EMC2: variants seen among roughly 807,000 people sequenced by gnomAD.
The protein encoded by EMC2 is TPR repeat protein 35.
Under a neutral mutation model 51.6 loss-of-function variants are expected in EMC2, and 37 were observed. The ratio of observed to expected loss-of-function variants is 0.72; its 90% confidence interval spans 0.55 to 0.94. The LOEUF (loss-of-function observed/expected upper bound fraction) is 0.94. Ranked by LOEUF, EMC2 falls within the 40% of genes least tolerant of loss-of-function variation. The pLI is 0.00. For missense variants in EMC2, 359 were observed against 350.9 expected (o/e 1.02, Z -0.18); for synonymous variants, 131 against 112.4 (o/e 1.17, Z -1.04).
At chr8:108,476,354 C>T (rs1447549099) in intron 8 of EMC2, among the ~76,000 whole-genome samples, 4 of 151,760 alleles carry the variant, frequency 2.6e-5, no homozygotes, top group African/African-American at 9.7e-5. Flanking sequence ...TTAAGAATAG[C>T]AGTACAACTG....
At chr8:108,469,733 C>A in intron 5 of EMC2, 93 bp from the exon 6 acceptor site, 1 of 1,003,022 alleles carries the variant, frequency 1.0e-6, no homozygotes, top group Non-Finnish European at 1.5e-6. Context: ...ATTTCTCTGG[C>A]ATTGAGATAA....
intron 7 of EMC2, among the ~76,000 whole-genome samples, chr8:108,472,509 CT>C (rs1759888804): frequency 6.7e-6 from 1 of 150,358 alleles, no homozygotes; most frequent in Non-Finnish European, 1.5e-5. Flanking sequence ...TCTTTTTGGT[CT>C]TAAAGCTAGT....
intron 5 of EMC2, among the ~76,000 whole-genome samples, chr8:108,460,788 C>G (rs112681823): frequency 1.1e-4 from 17 of 152,294 alleles, no homozygotes; most frequent in African/African-American, 4.1e-4. Context: ...AATCCCTTAG[C>G]GGTTAGGTAA....
chr8:108,475,823 T>C, intron 7 of EMC2, 59 bp from the exon 8 acceptor site: 2 of 923,022 alleles, frequency 2.2e-6, no homozygotes, highest in Non-Finnish European at 3.5e-6. Flanking sequence ...TTTCAAGGTT[T>C]AACTAAGATA....
At chr8:108,443,967 C>A (rs1454778063) in intron 1 of EMC2, among the ~76,000 whole-genome samples, 2 of 152,028 alleles carry the variant, frequency 1.3e-5, no homozygotes, top group African/African-American at 4.8e-5. Context: ...ATTTATGAGG[C>A]GGGCGGGAGG....
Position 108,464,352 on chromosome 8 carries a change from C to T in EMC2, c.364-5474C>T, listed in dbSNP as rs375064187. The stretch of plus-strand genomic sequence containing the variant: ...AAGGCATCGGAGGGGCTTTGACACA[C>T]TCTGGCCAACTCTGGCCATACGCCA... On this transcript the variant is annotated intron_variant, in intron 5 of 10. Transcript: ENST00000220853. Among the ~76,000 whole-genome samples the T allele has an allele frequency of 2.6e-4, 39 of 152,334 alleles. 1 individual carries two copies. In the South Asian group the frequency reaches 5.0e-3, roughly 19 times the overall value.
intron 9 of EMC2, 41 bp downstream of exon 9, chr8:108,476,933 G>C: frequency 1.0e-6 from 1 of 984,798 alleles, no homozygotes; most frequent in Non-Finnish European, 1.6e-6. Flanking sequence ...TTAAAAATCT[G>C]TCACTTAAAA....
chr8:108,447,205 C>A (rs1240671619), intron 1 of EMC2, among the ~76,000 whole-genome samples: 1 of 150,520 alleles, frequency 6.6e-6, no homozygotes. Flanking sequence ...TCATTCTCCC[C>A]CACTGCCCCC....
rs547595424 is a variant in EMC2 at position 108,488,679 on chromosome 8, A to G, written c.*2081A>G. ...AGGATCCCTCTTCCTCAAAGAGATT[A>G]GGACCTTACCCCAACTCCAGAGGTT... is the stretch of plus-strand genomic sequence containing the variant. On this transcript the variant is annotated 3_prime_UTR_variant, in exon 11 of 11. Coordinates refer to ENST00000220853, the MANE Select transcript of EMC2 (RefSeq NM_014673.5). 6.6e-6 allele frequency among the ~76,000 whole-genome samples: 1 copy of G among 152,162 alleles called. No individual in the cohort carries two copies. Among genetic ancestry groups the G allele is most frequent in the Non-Finnish European group, 1.5e-5 (1 of 68,036 alleles).
At chr8:108,477,332 T>A (rs1414188335) in intron 9 of EMC2, among the ~76,000 whole-genome samples, 1 of 151,810 alleles carries the variant, frequency 6.6e-6, no homozygotes, top group Non-Finnish European at 1.5e-5. Flanking sequence ...AGAAAAACAG[T>A]TTGGAAATTG....
chr8:108,455,490 A>G (rs990820558), intron 4 of EMC2, among the ~76,000 whole-genome samples: 6 of 152,144 alleles, frequency 3.9e-5, no homozygotes, highest in African/African-American at 1.4e-4. Flanking sequence ...GTGAAAATAC[A>G]TGTCATTGTT....
chr8:108,456,977 T>G (rs889090919), intron 5 of EMC2, among the ~76,000 whole-genome samples: 1 of 152,216 alleles, frequency 6.6e-6, no homozygotes, highest in African/African-American at 2.4e-5. Flanking sequence ...AGTTTCTCTC[T>G]TATTTGGCAA....
At chr8:108,458,737 A>G (rs1418557743) in intron 5 of EMC2, among the ~76,000 whole-genome samples, 3 of 152,180 alleles carry the variant, frequency 2.0e-5, no homozygotes, top group Admixed American at 2.0e-4. Context: ...AGGGGCTGCC[A>G]TGAAGACCTC....
At chr8:108,455,635 A>G (rs79959840) in intron 4 of EMC2, among the ~76,000 whole-genome samples, 2 of 152,240 alleles carry the variant, frequency 1.3e-5, no homozygotes, top group East Asian at 1.9e-4. Flanking sequence ...TTTTTAAGGG[A>G]AATTTTCTAT....
intron 5 of EMC2, among the ~76,000 whole-genome samples, chr8:108,468,584 T>C (rs1432620631): frequency 6.6e-6 from 1 of 151,906 alleles, no homozygotes; most frequent in Non-Finnish European, 1.5e-5. Context: ...TTCTCTAAAC[T>C]TTCACTTTCA....
Position 108,446,256 on chromosome 8 carries a change from A to G in EMC2, c.40+2558A>G, listed in dbSNP as rs1289228121. On this transcript the variant is annotated intron_variant, in intron 1 of 10. Transcript: ENST00000220853. ...ACTCCAAGAAGTAAATATTAGTGGA[A>G]TAATGAAGTATAGTTCCAGTCATAC... 5 of 406,532 alleles carry G rather than the reference A, an allele frequency of 1.2e-5. No homozygotes were observed. In the East Asian group the frequency reaches 2.2e-4, roughly 18 times the overall value. The allele number at this position is 406,532 out of a possible 1,614,324, so 25.2% of individuals were successfully genotyped here.
chr8:108,462,177 C>CGTGTGTGT (rs150710204), intron 5 of EMC2, among the ~76,000 whole-genome samples: 2 of 150,178 alleles, frequency 1.3e-5, no homozygotes, highest in Admixed American at 6.6e-5. Flanking sequence ...TAGGCCTGCG[C>CGTGTGTGT]GTGTGTGTGT....
chr8:108,470,979 T>C (rs1374202955), intron 7 of EMC2: 3 of 152,026 alleles, frequency 2.0e-5, no homozygotes, highest in Non-Finnish European at 4.4e-5. Context: ...ATATATATAA[T>C]GTGATCTAGA....
In EMC2 at chr8:108,456,872, ATAAG is replaced by A. The variant is rs1286024412; in HGVS notation, c.363+945_363+948del. Among the ~76,000 whole-genome samples, 5 of 152,330 alleles carry A rather than the reference ATAAG, an allele frequency of 3.3e-5. No homozygotes were observed. In the East Asian group the frequency reaches 9.6e-4, roughly 29 times the overall value. On this transcript the variant is annotated intron_variant, in intron 5 of 10. Transcript: ENST00000220853. The stretch of plus-strand genomic sequence containing the variant: ...GCACACATATGCCTGCTAAAAGAAA[ATAAG>A]TATTTTTAAAAATTTTAAACAAAAA...
Sources: allele counts gnomAD v4.1 joint callset (sites outside exome capture counted in the v4.1 genomes callset), GRCh38; gene constraint gnomAD v4.1.1; transcripts MANE v1.5; gene names NCBI Gene and HGNC (gene_info 2026-07-23, HGNC 2026-07-21).